The following MDFIC variants were observed in gnomAD, a reference collection of about 807,000 sequenced individuals.
MDFIC encodes the protein myoD family inhibitor domain-containing protein.
MDFIC carries 17 observed loss-of-function variants against 23.2 expected under a neutral mutation model. The observed-to-expected ratio is 0.73, with a 90% CI of 0.50 to 1.10. The LOEUF is 1.10. Among genes scored for constraint, MDFIC ranks in the 50% least tolerant of loss-of-function variants. The probability of loss-of-function intolerance (pLI) is 0.00; values close to 1 mark genes in which losing one functional copy is unlikely to be tolerated. For synonymous variants in MDFIC, 120 were observed against 115.2 expected, an observed-to-expected ratio of 1.04 and a Z score of -0.27; for missense variants, 356 against 316.6, an observed-to-expected ratio of 1.12 and a Z score of -0.95.
chr7:114,923,482 G>A, intron 2 of MDFIC: 1 of 1,537,852 alleles, frequency 6.5e-7, no homozygotes. Context: ...ATCCAGGACT[G>A]CCGCAGCTCT....
chr7:114,950,452 A>G (rs533607099), intron 3 of MDFIC, among the ~76,000 whole-genome samples: 46 of 152,204 alleles, frequency 3.0e-4, no homozygotes, highest in Non-Finnish European at 5.9e-4. Flanking sequence ...ACGGCTATAA[A>G]ATGGGTAGGG....
chr7:114,975,948 G>A (rs1160496119), intron 3 of MDFIC, among the ~76,000 whole-genome samples: 1 of 152,000 alleles, frequency 6.6e-6, no homozygotes, highest in African/African-American at 2.4e-5. Flanking sequence ...AGGTGACAGT[G>A]AAACAAAAAT....
chr7:114,929,084 G>GATCTATCTATCTATCTATCTACCTATCT (rs11273513), intron 2 of MDFIC, among the ~76,000 whole-genome samples: 2 of 147,960 alleles, frequency 1.4e-5, no homozygotes, highest in African/African-American at 2.5e-5. Flanking sequence ...GATAAATATA[G>GATCTATCTATCTATCTATCTACCTATCT]ATCTATCTAT....
intron 3 of MDFIC, among the ~76,000 whole-genome samples, chr7:114,953,234 T>C (rs1792814695): frequency 6.6e-6 from 1 of 152,234 alleles, no homozygotes; most frequent in South Asian, 2.1e-4. Context: ...TTCAAATACA[T>C]GTAACTTGTT....
chr7:114,933,916 C>T (rs569844479), intron 2 of MDFIC: 4 of 152,146 alleles, frequency 2.6e-5, no homozygotes, highest in East Asian at 1.9e-4. Context: ...GAGGATGGTC[C>T]GAATAATTAA....
chr7:114,998,125 A>G (rs1050108654), intron 4 of MDFIC, among the ~76,000 whole-genome samples: 4 of 152,220 alleles, frequency 2.6e-5, no homozygotes, highest in Admixed American at 6.5e-5. Flanking sequence ...TAATACTACA[A>G]TTCAGAGGAG....
chr7:114,982,087 G>T (rs1446860796), intron 4 of MDFIC, among the ~76,000 whole-genome samples: 1 of 152,156 alleles, frequency 6.6e-6, no homozygotes, highest in Non-Finnish European at 1.5e-5. Context: ...AAGATTCTGT[G>T]AGTCTCTTTT....
At chr7:114,939,087 A>G (rs970401352) in intron 2 of MDFIC, among the ~76,000 whole-genome samples, 4 of 151,712 alleles carry the variant, frequency 2.6e-5, no homozygotes, top group African/African-American at 9.8e-5. Context: ...TCAGTGTTAT[A>G]TGTAACTGCC....
intron 4 of MDFIC, among the ~76,000 whole-genome samples, chr7:114,987,044 G>C (rs887065820): frequency 1.3e-5 from 2 of 152,108 alleles, no homozygotes; most frequent in Non-Finnish European, 2.9e-5. Context: ...TCTTAAGGGA[G>C]AGAATGTGAA....
intron 4 of MDFIC, among the ~76,000 whole-genome samples, chr7:115,008,077 A>G (rs1791608412): frequency 6.6e-6 from 1 of 152,014 alleles, no homozygotes; most frequent in Non-Finnish European, 1.5e-5. Context: ...ATGACCAACA[A>G]TTACTGGATT....
chr7:114,948,825 G>A (rs1237420054), intron 3 of MDFIC, among the ~76,000 whole-genome samples: 1 of 152,042 alleles, frequency 6.6e-6, no homozygotes, highest in Non-Finnish European at 1.5e-5. Flanking sequence ...ATTTGCTCAT[G>A]GATTTTAATG....
At chr7:114,958,074 G>T (rs1206365907) in intron 3 of MDFIC, among the ~76,000 whole-genome samples, 1 of 152,176 alleles carries the variant, frequency 6.6e-6, no homozygotes. Context: ...ATAAATATGT[G>T]CTGAGAAAGA....
chr7:114,952,469 C>T (rs1180589628), intron 3 of MDFIC, among the ~76,000 whole-genome samples: 1 of 151,662 alleles, frequency 6.6e-6, no homozygotes, highest in Non-Finnish European at 1.5e-5. Flanking sequence ...CCATGCTCCA[C>T]AGTTTTCCAC....
At position 115,016,685 on chromosome 7, in the gene MDFIC, T is replaced by TAAACAAACAAAC. The variant is rs1554354690; in HGVS notation, c.*758_*759insAAACAAACAAAC. 27 of 155,802 alleles carry TAAACAAACAAAC rather than the reference T, an allele frequency of 1.7e-4. No individual in the cohort carries two copies. The highest frequency in any genetic ancestry group is 6.1e-4 in the African/African-American group (25 of 41,040). The allele number at this position is 155,802 out of a possible 1,614,324, so 9.7% of individuals were successfully genotyped here. A position where few individuals can be genotyped will look rare whatever the true frequency, so the allele number is the denominator to read the frequency against. On this transcript the variant is annotated 3_prime_UTR_variant, in exon 5 of 5. Coordinates refer to ENST00000393486, the MANE Select transcript of MDFIC (RefSeq NM_001166345.3). ...ATAAATAAATAAATAAATAAATAAA[T>TAAACAAACAAAC]AAACAAACCAGTCTTTATTTTAAAA...
intron 4 of MDFIC, among the ~76,000 whole-genome samples, chr7:114,988,362 G>A (rs1322689268): frequency 6.6e-6 from 1 of 152,104 alleles, no homozygotes; most frequent in Non-Finnish European, 1.5e-5. Context: ...CCAAAGTTTT[G>A]TTTTGTTTTG....
At chr7:114,986,259 C>T (rs959703853) in intron 4 of MDFIC, among the ~76,000 whole-genome samples, 2 of 151,786 alleles carry the variant, frequency 1.3e-5, no homozygotes, top group South Asian at 2.1e-4. Context: ...TCTTTTTAGG[C>T]TTCGCTTCTT....
At chr7:114,923,240 G>C in intron 2 of MDFIC, 113 bp downstream of exon 2, 1 of 1,373,616 alleles carries the variant, frequency 7.3e-7, no homozygotes, top group South Asian at 1.3e-5. Context: ...GCTCCCACTC[G>C]TAGTTGAGAA....
intron 3 of MDFIC, among the ~76,000 whole-genome samples, chr7:114,974,633 AG>A (rs1793271891): frequency 6.6e-6 from 1 of 152,262 alleles, no homozygotes; most frequent in Admixed American, 6.5e-5. Context: ...TATACACTAT[AG>A]CAAAATGTTG....
rs1791850159 is a variant in MDFIC at position 115,018,941 on chromosome 7, T to C, written c.*3006T>C. 2 of 152,016 alleles carry C rather than the reference T, an allele frequency of 1.3e-5. No homozygotes were observed. The highest frequency in any genetic ancestry group is 4.1e-4 in the South Asian group (2 of 4,834). The allele number at this position is 152,016 out of a possible 1,614,324, so 9.4% of individuals were successfully genotyped here. ...GAACTATGAAAGATATCGATCAGTT[T>C]ATGATCATTGACATGTGATTTCAAA... On this transcript the variant is annotated 3_prime_UTR_variant, in exon 5 of 5. Coordinates refer to ENST00000393486, the MANE Select transcript of MDFIC (RefSeq NM_001166345.3).
Sources: gnomAD v4.1 joint callset for allele counts (sites outside exome capture counted in the v4.1 genomes callset) on GRCh38, gnomAD v4.1.1 for gene constraint, MANE v1.5 for transcripts, NCBI Gene and HGNC (gene_info 2026-07-23, HGNC 2026-07-21) for gene names.